The following ADGRE3 variants were observed in gnomAD, a reference collection of about 807,000 sequenced individuals.
ADGRE3 encodes the protein EGF-like module receptor 3.
ADGRE3 carries 88 observed loss-of-function variants against 80.1 expected under a neutral mutation model. The observed-to-expected ratio is 1.10, with a 90% CI of 0.93 to 1.31. The LOEUF (loss-of-function observed/expected upper bound fraction) is 1.31. ADGRE3 is among the 40% of genes most tolerant of loss of function. The pLI is 0.00. For missense variants in ADGRE3, 715 were observed against 776.5 expected, an observed-to-expected ratio of 0.92 and a Z score of 0.94; for synonymous variants, 281 against 294.8, an observed-to-expected ratio of 0.95 and a Z score of 0.48.
chr19:14,627,349 T>C (rs965068859), intron 14 of ADGRE3, among the ~76,000 whole-genome samples: 3 of 152,212 alleles, frequency 2.0e-5, no homozygotes, highest in Admixed American at 2.0e-4. Flanking sequence ...ATACTCGTTA[T>C]ATAAACAAAA....
intron 5 of ADGRE3, among the ~76,000 whole-genome samples, chr19:14,657,356 T>C (rs914018861): frequency 6.6e-6 from 1 of 152,110 alleles, no homozygotes; most frequent in Non-Finnish European, 1.5e-5. Context: ...GAGACAATAA[T>C]GGATACCATT....
chr19:14,616,957 G>A (rs528567971), downstream of ADGRE3, among the ~76,000 whole-genome samples: 13 of 152,024 alleles, frequency 8.6e-5, no homozygotes, highest in East Asian at 2.5e-3. Context: ...CACCACGCCT[G>A]GCTAATTTCG....
intron 5 of ADGRE3, among the ~76,000 whole-genome samples, chr19:14,656,411 TGC>T (rs1971766456): frequency 2.0e-5 from 3 of 149,732 alleles, no homozygotes; most frequent in Non-Finnish European, 4.4e-5. Flanking sequence ...CTCTCTCCCT[TGC>T]GAGAGAGAGG....
At chr19:14,620,530 ATATATTT>A (rs1425670013) in intron 15 of ADGRE3, among the ~76,000 whole-genome samples, 2 of 10,658 alleles carry the variant, frequency 1.9e-4, no homozygotes, top group Non-Finnish European at 3.2e-4. Flanking sequence ...ATATGAATAT[ATATATTT>A]TATATATATA....
At chr19:14,605,512 C>G in the ADGRE3 span, among the ~76,000 whole-genome samples, 1 of 152,154 alleles carries the variant, frequency 6.6e-6, no homozygotes, top group Admixed American at 6.5e-5. Context: ...TTGACAAATG[C>G]GTACACCTGT....
the ADGRE3 span, among the ~76,000 whole-genome samples, chr19:14,602,474 TG>T: frequency 6.6e-6 from 1 of 152,084 alleles, no homozygotes; most frequent in African/African-American, 2.4e-5. Context: ...TAACATTTTT[TG>T]TAGAGATGAG....
At chr19:14,630,436 T>A (rs936680970) in intron 13 of ADGRE3, among the ~76,000 whole-genome samples, 1 of 150,636 alleles carries the variant, frequency 6.6e-6, no homozygotes, top group Admixed American at 6.6e-5. Context: ...TGAGATGGAG[T>A]CTTGCTCTGT....
intron 3 of ADGRE3, 74 bp downstream of exon 3, chr19:14,663,344 A>T: frequency 1.0e-6 from 1 of 979,086 alleles, no homozygotes; most frequent in Non-Finnish European, 1.3e-6. Context: ...CAGCCTGGGC[A>T]ACAGAGCAAG....
intron 6 of ADGRE3, 21 bp from the exon 7 acceptor site, chr19:14,651,225 C>A (rs777460623): frequency 1.2e-6 from 2 of 1,613,620 alleles, no homozygotes; most frequent in African/African-American, 2.7e-5. Context: ...AAGCAATGGG[C>A]AGGCTTAGTG....
At chr19:14,615,205 T>C (rs1445076073), downstream of ADGRE3, among the ~76,000 whole-genome samples, 5 of 126,664 alleles carry the variant, frequency 3.9e-5, no homozygotes, top group Non-Finnish European at 8.5e-5. Context: ...CTGCCTTCTT[T>C]TTTTTTTTTT....
intron 4 of ADGRE3, among the ~76,000 whole-genome samples, chr19:14,659,074 T>C (rs1239175852): frequency 1.3e-5 from 2 of 150,432 alleles, no homozygotes; most frequent in Non-Finnish European, 3.0e-5. Context: ...CTCATTCTGC[T>C]GCCTAGGCTG....
chr19:14,654,483 T>C (rs1298689310), intron 6 of ADGRE3, among the ~76,000 whole-genome samples: 2 of 151,826 alleles, frequency 1.3e-5, no homozygotes, highest in African/African-American at 4.8e-5. Flanking sequence ...CAGGCCAGTC[T>C]TGAGCTCCTG....
In ADGRE3 at chr19:14,633,311, A is replaced by G; in HGVS notation, c.1485-9T>C. The G allele has an allele frequency of 1.2e-6, 2 of 1,607,490 alleles. No homozygotes were observed. Among genetic ancestry groups the G allele is most frequent in the East Asian group, 2.2e-5 (1 of 44,822 alleles). ...CCAGGTGGAGCCAGCATCTAGGAAC[A>G]GTGGGAAAAGAGATACAAAGAGAGA... On this transcript the variant is annotated splice_polypyrimidine_tract_variant and intron_variant, in intron 11 of 15. Coordinates refer to ENST00000253673, the MANE Select transcript of ADGRE3 (RefSeq NM_032571.5).
At chr19:14,634,575 G>A (rs1041795821) in intron 11 of ADGRE3, among the ~76,000 whole-genome samples, 4 of 152,122 alleles carry the variant, frequency 2.6e-5, no homozygotes, top group African/African-American at 4.8e-5. Flanking sequence ...GAGGAACAGC[G>A]TCCTGTTAAG....
chr19:14,646,896 G>A (rs747640837), intron 8 of ADGRE3, among the ~76,000 whole-genome samples: 3 of 151,432 alleles, frequency 2.0e-5, no homozygotes, highest in Non-Finnish European at 2.9e-5. Flanking sequence ...TCAGCCTCCC[G>A]AGTAGCTGGA....
the ADGRE3 span, chr19:14,610,023 T>A: frequency 1.3e-6 from 2 of 1,484,022 alleles, no homozygotes; most frequent in Non-Finnish European, 1.9e-6. Context: ...TTCACCACCC[T>A]AAAGATCCCT....
At chr19:14,672,049 T>A (rs1972272529) in intron 1 of ADGRE3, among the ~76,000 whole-genome samples, 1 of 152,170 alleles carries the variant, frequency 6.6e-6, no homozygotes, top group South Asian at 2.1e-4. Flanking sequence ...TTTCTTCTTT[T>A]GTATATACAT....
chr19:14,620,401 AAT>A (rs1247400653), intron 15 of ADGRE3, among the ~76,000 whole-genome samples: 1 of 119,444 alleles, frequency 8.4e-6, no homozygotes, highest in African/African-American at 3.4e-5. Context: ...TGTATATATG[AAT>A]ATATATGTAT....
At chr19:14,646,452 T>C (rs994382611) in intron 8 of ADGRE3, among the ~76,000 whole-genome samples, 6 of 152,158 alleles carry the variant, frequency 3.9e-5, no homozygotes, top group African/African-American at 9.6e-5. Context: ...GTATTTTTAA[T>C]TTATACATTA....
Sources: allele counts gnomAD v4.1 joint callset (sites outside exome capture counted in the v4.1 genomes callset), GRCh38; gene constraint gnomAD v4.1.1; transcripts MANE v1.5; gene names NCBI Gene and HGNC (gene_info 2026-07-23, HGNC 2026-07-21).